The following ATF6 variants were observed in gnomAD, a reference collection of about 807,000 sequenced individuals.
The protein encoded by ATF6 is activating transcription factor 6.
ATF6 carries 53 observed loss-of-function variants against 83.6 expected under a neutral mutation model. The observed-to-expected ratio is 0.63, with a 90% confidence interval of 0.51 to 0.80. ATF6 has a LOEUF of 0.80. ATF6 is among the 30% of genes least tolerant of loss of function. The pLI is 0.00. For synonymous variants in ATF6, 288 were observed against 285.8 expected (o/e 1.01, Z -0.08); for missense variants, 744 against 797.9 (o/e 0.93, Z 0.81).
rs907719241 is a variant in ATF6, at chr1:161,960,631, A to T, written c.*1977A>T. The T allele has an allele frequency of 1.2e-4, 18 of 152,344 alleles. No homozygotes were observed. The highest frequency in any genetic ancestry group is 4.3e-4 in the African/African-American group (18 of 41,582). The allele number at this position is 152,344 out of a possible 1,614,324, so 9.4% of individuals were successfully genotyped here. ...GGAGTCTGGAGTTTGAAAAGTGCTA[A>T]TTAACCTTCCTCTTTTTCCACATTA... On this transcript the variant is annotated 3_prime_UTR_variant, in exon 16 of 16. Coordinates refer to ENST00000367942, the MANE Select transcript of ATF6 (RefSeq NM_007348.4).
At chr1:161,867,179 C>CA (rs1421619205) in intron 14 of ATF6, among the ~76,000 whole-genome samples, 8 of 151,960 alleles carry the variant, frequency 5.3e-5, no homozygotes, top group Non-Finnish European at 1.0e-4. Context: ...CCTGTAGTCC[C>CA]AGCTACTCAG....
chr1:161,923,287 C>T (rs903259534), intron 15 of ATF6, among the ~76,000 whole-genome samples: 2 of 152,008 alleles, frequency 1.3e-5, no homozygotes, highest in Non-Finnish European at 2.9e-5. Context: ...TGCTCTGATA[C>T]TTAATTTTTA....
intron 7 of ATF6, among the ~76,000 whole-genome samples, chr1:161,811,189 G>A (rs2134697): frequency 0.63 from 96,523 of 152,102 alleles, 33,235 homozygotes; most frequent in Middle Eastern, 0.76. Context: ...GATAATTCAC[G>A]AAGAAGAGTG....
At chr1:161,900,758 A>G (rs1232794522) in intron 14 of ATF6, among the ~76,000 whole-genome samples, 1 of 152,146 alleles carries the variant, frequency 6.6e-6, no homozygotes, top group Non-Finnish European at 1.5e-5. Context: ...TAGCTGAGAC[A>G]TGTTCATTCT....
chr1:161,956,000 T>G (rs1049966563), intron 15 of ATF6, among the ~76,000 whole-genome samples: 1 of 152,188 alleles, frequency 6.6e-6, no homozygotes, highest in African/African-American at 2.4e-5. Context: ...AATCAGATCA[T>G]AGCTTTACAT....
chr1:161,816,440 A>C (rs931629174), intron 7 of ATF6, among the ~76,000 whole-genome samples: 1 of 152,202 alleles, frequency 6.6e-6, no homozygotes, highest in African/African-American at 2.4e-5. Flanking sequence ...CAGTTCTCTG[A>C]GGTTAGAGTT....
chr1:161,897,169 C>A (rs1687692634), intron 14 of ATF6, among the ~76,000 whole-genome samples: 1 of 152,070 alleles, frequency 6.6e-6, no homozygotes, highest in Non-Finnish European at 1.5e-5. Flanking sequence ...CTCGGTGGCA[C>A]ACACCTGTAA....
chr1:161,958,774 G>T lies in ATF6; in HGVS notation c.*120G>T. On this transcript the variant is annotated 3_prime_UTR_variant, in exon 16 of 16. Transcript: ENST00000367942. ...AGAACTGTCTCGTACTAGAATTCAAGGAGGAAAGAAGAAGAAATAAAAGAA... is the reference window on the plus strand; with the variant it reads ...AGAACTGTCTCGTACTAGAATTCAATGAGGAAAGAAGAAGAAATAAAAGAA... 1 of 830,118 alleles carries T rather than the reference G, an allele frequency of 1.2e-6. No homozygotes were observed. Among genetic ancestry groups the T allele is most frequent in the Non-Finnish European group, 1.8e-6 (1 of 553,138 alleles). The allele number at this position is 830,118 out of a possible 1,614,324, so 51.4% of individuals were successfully genotyped here.
rs1367353295 is a variant in ATF6 at position 161,780,678 on chromosome 1, G to A, written c.160-1234G>A. 5.3e-5 allele frequency among the ~76,000 whole-genome samples: 8 copies of A among 151,992 alleles called. No individual in the cohort carries two copies. The East Asian group carries it at 1.4e-3, about 26-fold the overall frequency. ...GTGAGCCACTGCACCCGGCCGAGGT[G>A]TATTTTATTGTTGCTGTTTTTGTTG... On this transcript the variant is annotated intron_variant, in intron 2 of 15. Coordinates refer to ENST00000367942, the MANE Select transcript of ATF6 (RefSeq NM_007348.4).
intron 14 of ATF6, among the ~76,000 whole-genome samples, chr1:161,876,848 G>A (rs1687225857): frequency 6.6e-6 from 1 of 151,862 alleles, no homozygotes; most frequent in Admixed American, 6.6e-5. Flanking sequence ...GGTTAAGGAG[G>A]CAAGTTTTCT....
chr1:161,922,259 A>G (rs1688227107), intron 15 of ATF6, among the ~76,000 whole-genome samples: 1 of 152,182 alleles, frequency 6.6e-6, no homozygotes, highest in Admixed American at 6.5e-5. Flanking sequence ...CAAATGCTTT[A>G]GCCTGGCATC....
At chr1:161,782,145 A>G in intron 3 of ATF6, 146 bp downstream of exon 3, 2 of 584,528 alleles carry the variant, frequency 3.4e-6, no homozygotes, top group Non-Finnish European at 5.9e-6. Flanking sequence ...TGGTATGGCA[A>G]TTATGTAAAC....
intron 7 of ATF6, among the ~76,000 whole-genome samples, chr1:161,817,716 G>A (rs889990175): frequency 2.6e-5 from 4 of 152,054 alleles, no homozygotes; most frequent in Non-Finnish European, 4.4e-5. Flanking sequence ...AAAATATTTG[G>A]TGTTGGCAGA....
intron 4 of ATF6, among the ~76,000 whole-genome samples, chr1:161,790,202 C>G (rs1016819008): frequency 6.6e-6 from 1 of 151,970 alleles, no homozygotes; most frequent in Non-Finnish European, 1.5e-5. Context: ...TCTATTTCTT[C>G]TTCCTTTGTG....
chr1:161,791,276 C>T (rs943484488), intron 4 of ATF6, 132 bp from the exon 5 acceptor site: 5 of 580,430 alleles, frequency 8.6e-6, no homozygotes, highest in Non-Finnish European at 1.4e-5. Context: ...TATATATATA[C>T]AGTTTCTAAT....
chr1:161,919,866 A>AGC (rs1688169061), intron 15 of ATF6, among the ~76,000 whole-genome samples: 1 of 152,276 alleles, frequency 6.6e-6, no homozygotes, highest in South Asian at 2.1e-4. Flanking sequence ...TACTAGTGCC[A>AGC]GCACATGCAA....
At chr1:161,886,461 T>G (rs1271774819) in intron 14 of ATF6, among the ~76,000 whole-genome samples, 1 of 152,252 alleles carries the variant, frequency 6.6e-6, no homozygotes, top group Admixed American at 6.5e-5. Context: ...GTCAGGCAAT[T>G]TCTTCATTGT....
intron 12 of ATF6, among the ~76,000 whole-genome samples, chr1:161,856,171 A>G (rs1168306784): frequency 1.3e-5 from 2 of 152,220 alleles, no homozygotes; most frequent in African/African-American, 4.8e-5. Context: ...ATGGGTTTTT[A>G]ACCATTATGG....
intron 15 of ATF6, among the ~76,000 whole-genome samples, chr1:161,951,645 C>T (rs1688865573): frequency 6.6e-6 from 1 of 152,118 alleles, no homozygotes; most frequent in Admixed American, 6.5e-5. Context: ...GTAACAGATA[C>T]TATGAAGGAA....
Sources: allele counts gnomAD v4.1 joint callset (sites outside exome capture counted in the v4.1 genomes callset), GRCh38; gene constraint gnomAD v4.1.1; transcripts MANE v1.5; gene names NCBI Gene and HGNC (gene_info 2026-07-23, HGNC 2026-07-21).